APLF: variants seen among roughly 807,000 people sequenced by gnomAD.
The protein encoded by APLF is aprataxin and PNK-like factor.
A neutral mutation model predicts 55.6 loss-of-function variants in APLF; 61 were observed. The ratio of observed to expected loss-of-function variants is 1.10; its 90% CI spans 0.89 to 1.36. The LOEUF (loss-of-function observed/expected upper bound fraction) is 1.36. APLF is among the 40% of genes most tolerant of loss of function. APLF has a pLI of 0.00. For synonymous variants in APLF, 207 were observed against 214.8 expected (o/e 0.96, Z 0.32); for missense variants, 611 against 602.5 (o/e 1.01, Z -0.15).
At chr2:68,488,790 T>C (rs1189006289) in intron 1 of APLF, among the ~76,000 whole-genome samples, 1 of 152,164 alleles carries the variant, frequency 6.6e-6, no homozygotes, top group Non-Finnish European at 1.5e-5. Flanking sequence ...AAGTGAAAGT[T>C]CTGTGCAAAT....
chr2:68,531,814 T>C (rs973497274), intron 6 of APLF, among the ~76,000 whole-genome samples: 1 of 152,188 alleles, frequency 6.6e-6, no homozygotes, highest in Admixed American at 6.5e-5. Context: ...AAGAAAAACT[T>C]TGAGAAACAT....
At chr2:68,541,360 C>T (rs1293889531) in intron 7 of APLF, among the ~76,000 whole-genome samples, 1 of 151,808 alleles carries the variant, frequency 6.6e-6, no homozygotes, top group African/African-American at 2.4e-5. Context: ...AAAGGCAAGG[C>T]ACAAAGTAGA....
intron 1 of APLF, among the ~76,000 whole-genome samples, chr2:68,470,422 G>A (rs1468488082): frequency 1.3e-5 from 2 of 152,118 alleles, no homozygotes; most frequent in African/African-American, 4.8e-5. Flanking sequence ...CAATATCTTA[G>A]GTTGATATAT....
intron 1 of APLF, among the ~76,000 whole-genome samples, chr2:68,469,019 T>TGTGC (rs1675530823): frequency 8.3e-6 from 1 of 121,156 alleles, no homozygotes; most frequent in African/African-American, 3.2e-5. Flanking sequence ...TGTGTGTGTG[T>TGTGC]GTTGTGTGTT....
intron 8 of APLF, among the ~76,000 whole-genome samples, chr2:68,552,916 C>T (rs192065277): frequency 9.2e-5 from 14 of 152,234 alleles, no homozygotes; most frequent in Admixed American, 4.6e-4. Flanking sequence ...TAAAAACTTA[C>T]ATTTTTTTCT....
At chr2:68,563,222 A>G in intron 8 of APLF, 1 of 985,286 alleles carries the variant, frequency 1.0e-6, no homozygotes, top group Non-Finnish European at 1.2e-6. Flanking sequence ...TTCTCAAAGA[A>G]ACAACTTTCC....
chr2:68,512,682 A>T (rs536615373), intron 3 of APLF, among the ~76,000 whole-genome samples: 9 of 151,862 alleles, frequency 5.9e-5, no homozygotes, highest in Admixed American at 3.3e-4. Flanking sequence ...TAAACTCAGG[A>T]TTTTATTTAT....
intron 9 of APLF, among the ~76,000 whole-genome samples, chr2:68,571,860 A>G (rs1671478338): frequency 6.6e-6 from 1 of 152,122 alleles, no homozygotes; most frequent in Admixed American, 6.6e-5. Context: ...TCACCTGTTG[A>G]CAACATTTAA....
At chr2:68,573,587 C>T (rs1185406797) in intron 9 of APLF, among the ~76,000 whole-genome samples, 3 of 149,798 alleles carry the variant, frequency 2.0e-5, no homozygotes, top group Non-Finnish European at 3.0e-5. Flanking sequence ...GCAGGAGAAT[C>T]GTTTGAACCC....
At chr2:68,498,911 A>G (rs1458017870) in intron 2 of APLF, among the ~76,000 whole-genome samples, 1 of 152,118 alleles carries the variant, frequency 6.6e-6, no homozygotes, top group Non-Finnish European at 1.5e-5. Context: ...TTATTGCACA[A>G]AGTTCCCGAA....
At chr2:68,503,676 CAG>C (rs1676791374) in intron 3 of APLF, among the ~76,000 whole-genome samples, 1 of 151,998 alleles carries the variant, frequency 6.6e-6, no homozygotes, top group East Asian at 1.9e-4. Flanking sequence ...ATACTGAAAA[CAG>C]CATAAAAATT....
chr2:68,547,004 C>G (rs983847347), intron 8 of APLF, among the ~76,000 whole-genome samples: 1 of 151,600 alleles, frequency 6.6e-6, no homozygotes, highest in Non-Finnish European at 1.5e-5. Context: ...ACAAAGTGGC[C>G]CACTGATGAG....
chr2:68,521,908 A>C (rs1669908501), intron 5 of APLF, among the ~76,000 whole-genome samples: 1 of 152,006 alleles, frequency 6.6e-6, no homozygotes, highest in Admixed American at 6.6e-5. Flanking sequence ...TTCAAAATGT[A>C]CTTACATTTA....
chr2:68,538,310 A>G (rs1482799441), intron 7 of APLF, 83 bp downstream of exon 7: 5 of 1,233,600 alleles, frequency 4.1e-6, no homozygotes. Context: ...TATATTAAAA[A>G]CTTAATAAAA....
chr2:68,514,302 T>C (rs1669508700), intron 5 of APLF, among the ~76,000 whole-genome samples: 1 of 151,844 alleles, frequency 6.6e-6, no homozygotes, highest in Non-Finnish European at 1.5e-5. Flanking sequence ...TTTTATTGAC[T>C]GCTTGTTTTC....
At chr2:68,480,869 A>G (rs1675929950) in intron 1 of APLF, among the ~76,000 whole-genome samples, 1 of 152,176 alleles carries the variant, frequency 6.6e-6, no homozygotes, top group African/African-American at 2.4e-5. Context: ...TCTTGAGATC[A>G]TATGGTTTTT....
intron 3 of APLF, among the ~76,000 whole-genome samples, chr2:68,511,674 A>G (rs943784880): frequency 6.6e-6 from 1 of 151,704 alleles, no homozygotes; most frequent in African/African-American, 2.4e-5. Flanking sequence ...GAAAAAAATT[A>G]TAATTTGGAA....
Position 68,578,484 on chromosome 2 carries a change from A to G in APLF, c.*462A>G. On this transcript the variant is annotated 3_prime_UTR_variant, in exon 10 of 10. Coordinates refer to ENST00000303795, the MANE Select transcript of APLF (RefSeq NM_173545.3). Reference sequence around the variant, plus strand: ...AGGCTTTAAAAAATGCAGCCATTACATAATGGCGTTTTTTTTCTAGTACCT... The same window carrying G: ...AGGCTTTAAAAAATGCAGCCATTACGTAATGGCGTTTTTTTTCTAGTACCT... 2.0e-6 allele frequency: 2 copies of G among 987,250 alleles called. No individual in the cohort carries two copies. Among genetic ancestry groups the G allele is most frequent in the Non-Finnish European group, 2.4e-6 (2 of 831,278 alleles). 61.2% of individuals were successfully genotyped at this position (987,250 alleles called of 1,614,324 possible). A position where few individuals can be genotyped will look rare whatever the true frequency, so the allele number is the denominator to read the frequency against.
chr2:68,552,872 C>T (rs1479336462), intron 8 of APLF, among the ~76,000 whole-genome samples: 3 of 152,136 alleles, frequency 2.0e-5, no homozygotes, highest in African/African-American at 7.2e-5. Context: ...TCTTCACCTA[C>T]TGAACTGCTT....
Sources: allele counts gnomAD v4.1 joint callset (sites outside exome capture counted in the v4.1 genomes callset), GRCh38; gene constraint gnomAD v4.1.1; transcripts MANE v1.5; gene names NCBI Gene and HGNC (gene_info 2026-07-23, HGNC 2026-07-21).